Variants in ALMS1 observed in about 807,000 individuals in gnomAD.
ALMS1 encodes the protein centrosome-associated protein ALMS1.
In ALMS1, 271 loss-of-function variants were observed where a neutral mutation model predicts 352.2. That is an observed-to-expected ratio of 0.77 (90% confidence interval 0.70 to 0.85). ALMS1 has a LOEUF of 0.85. Ranked by LOEUF, ALMS1 falls within the 40% of genes least tolerant of loss-of-function variation. The pLI is 0.00. For missense variants in ALMS1, 5,445 were observed against 4,870.7 expected (o/e 1.12, Z -3.51); for synonymous variants, 1,865 against 1,761.2 (o/e 1.06, Z -1.48).
In ALMS1 at chr2:73,609,514, GC is replaced by G. The variant is rs200683455; in HGVS notation, c.12463-52del. ...ATGGATGCAGGGAGGAGAGGCATCT[GC>G]CTCTGATGGCAGTAATATCTAACTT... On this transcript the variant is annotated intron_variant, in intron 22 of 22. Transcript: ENST00000613296. The G allele has an allele frequency of 2.1e-3, 3,256 of 1,558,216 alleles. 57 individuals are homozygous for G. In the African/African-American group the frequency reaches 0.034, roughly 16 times the overall value.
chr2:73,521,580 C>CAAAAAAAAA (rs565126393), intron 11 of ALMS1, among the ~76,000 whole-genome samples: 213 of 93,768 alleles, frequency 2.3e-3, no homozygotes, highest in East Asian at 4.0e-3. Flanking sequence ...ACTAAAAATA[C>CAAAAAAAAA]AAAAAAAAAA....
At chr2:73,447,844 T>C (rs1372676745) in intron 7 of ALMS1, 116 bp from the exon 8 acceptor site, 7 of 1,317,350 alleles carry the variant, frequency 5.3e-6, no homozygotes, top group Non-Finnish European at 7.0e-6. Context: ...TGATGGCTGT[T>C]TCCTTAGGAT....
At chr2:73,580,240 A>G (rs1041225743) in intron 16 of ALMS1, among the ~76,000 whole-genome samples, 2 of 152,120 alleles carry the variant, frequency 1.3e-5, no homozygotes, top group Admixed American at 6.6e-5. Flanking sequence ...CACCACACTC[A>G]TCTCATTCTG....
chr2:73,479,637 G>A (rs1162258935), intron 9 of ALMS1, among the ~76,000 whole-genome samples: 1 of 152,058 alleles, frequency 6.6e-6, no homozygotes, highest in African/African-American at 2.4e-5. Context: ...GGACATCTTG[G>A]TTGTTTCCCA....
chr2:73,448,382 T>C lies in ALMS1; in HGVS notation c.1855T>C (p.Ser619Pro), dbSNP rs921968387. Reference protein sequence around the residue: ...DQTTGMSTLTSTSYSHREKPG... With the variant: ...DQTTGMSTLTPTSYSHREKPG... ...GACAACTGGCATGTCAACTCTAACCTCTACTTCCTACTCACATAGAGAGAA... is the reference window on the plus strand; with the variant it reads ...GACAACTGGCATGTCAACTCTAACCCCTACTTCCTACTCACATAGAGAGAA... The change falls in exon 8 of 23, where the codon TCT becomes CCT. Residue 619 changes from serine to proline, a missense_variant. By Grantham distance (74) the Ser-to-Pro change is moderately conservative (BLOSUM62 -1). Transcript: ENST00000613296. The C allele has an allele frequency of 4.3e-6, 7 of 1,613,908 alleles. No individual in the cohort carries two copies. The highest frequency in any genetic ancestry group is 5.9e-6 in the Non-Finnish European group (7 of 1,179,950).
intron 9 of ALMS1, among the ~76,000 whole-genome samples, chr2:73,484,161 C>T (rs1300511779): frequency 6.6e-6 from 1 of 151,706 alleles, no homozygotes; most frequent in Non-Finnish European, 1.5e-5. Flanking sequence ...GCAGTTTCTT[C>T]CTAGTCTTGA....
intron 2 of ALMS1, among the ~76,000 whole-genome samples, chr2:73,417,055 T>A (rs1671194052): frequency 6.6e-6 from 1 of 152,142 alleles, no homozygotes; most frequent in African/African-American, 2.4e-5. Flanking sequence ...ATTGTGCCAC[T>A]GTATTCTGGC....
Position 73,394,114 on chromosome 2 carries a change from C to T in ALMS1, c.324+7922C>T, listed in dbSNP as rs563826892. Among the ~76,000 whole-genome samples, 12 of 152,184 alleles carry T rather than the reference C, an allele frequency of 7.9e-5. No homozygotes were observed. In the South Asian group the frequency reaches 2.5e-3, roughly 32 times the overall value. On this transcript the variant is annotated intron_variant, in intron 1 of 22. Transcript: ENST00000613296. ...GGGATTACAGGCGTGAGCCACCATG[C>T]CTGACTAGGAGACACTCTTTTGATT...
At chr2:73,420,338 T>C (rs1156945672) in intron 3 of ALMS1, among the ~76,000 whole-genome samples, 3 of 151,982 alleles carry the variant, frequency 2.0e-5, no homozygotes, top group Admixed American at 1.3e-4. Flanking sequence ...CTGCAAACTA[T>C]AGCTTACAGG....
intron 7 of ALMS1, among the ~76,000 whole-genome samples, chr2:73,436,111 C>T (rs1222201603): frequency 6.6e-6 from 1 of 152,100 alleles, no homozygotes; most frequent in African/African-American, 2.4e-5. Flanking sequence ...ATGTATCTGG[C>T]GTGTTTTTAT....
rs201404313 is a variant in ALMS1, at chr2:73,562,490, CAG to C, written c.10384+3349_10384+3350del. Among the ~76,000 whole-genome samples the C allele has an allele frequency of 2.8e-3, 422 of 152,128 alleles. 3 individuals carry two copies. The highest frequency in any genetic ancestry group is 8.6e-3 in the African/African-American group (355 of 41,492). On this transcript the variant is annotated intron_variant, in intron 15 of 22. Coordinates refer to ENST00000613296, the MANE Select transcript of ALMS1 (RefSeq NM_001378454.1). ...AAAACAAGTAGAAAATGCTAAAAGACAGGGGGACAGGCAGAGGACAGGGAGGT... is the reference window on the plus strand; with the variant it reads ...AAAACAAGTAGAAAATGCTAAAAGACGGGGACAGGCAGAGGACAGGGAGGT...
At chr2:73,386,267 C>T (rs1031172088) in intron 1 of ALMS1, 75 bp downstream of exon 1, 4 of 1,417,834 alleles carry the variant, frequency 2.8e-6, no homozygotes, top group Admixed American at 5.6e-5. Flanking sequence ...GCTCCGCCCG[C>T]CCGCAGGTCA....
chr2:73,530,271 G>A (rs1262383516), intron 11 of ALMS1, among the ~76,000 whole-genome samples: 1 of 152,188 alleles, frequency 6.6e-6, no homozygotes, highest in African/African-American at 2.4e-5. Flanking sequence ...TACAGTGGGG[G>A]TACAGGCATT....
At chr2:73,433,322 A>G (rs905082851) in intron 7 of ALMS1, among the ~76,000 whole-genome samples, 1 of 152,220 alleles carries the variant, frequency 6.6e-6, no homozygotes, top group Non-Finnish European at 1.5e-5. Flanking sequence ...GAAGGATAGC[A>G]GTCAAAGAGA....
chr2:73,599,613 T>G (rs1338335040), intron 17 of ALMS1, 92 bp downstream of exon 17: 7 of 1,454,098 alleles, frequency 4.8e-6, no homozygotes, highest in Admixed American at 1.7e-5. Flanking sequence ...ATAAAGGACA[T>G]GAAGATAAAA....
At position 73,490,703 on chromosome 2, in the gene ALMS1, C is replaced by T. The variant is rs761704025; in HGVS notation, c.8744C>T (p.Ala2915Val). The T allele has an allele frequency of 1.9e-6, 3 of 1,614,170 alleles. No individual in the cohort carries two copies. Among genetic ancestry groups the T allele is most frequent in the Admixed American group, 3.3e-5 (2 of 60,028 alleles). The change falls in exon 10 of 23, where the codon GCT becomes GTT. Residue 2915 changes from alanine (A) to valine (V), a missense_variant. Coordinates refer to ENST00000613296, the MANE Select transcript of ALMS1 (RefSeq NM_001378454.1). Reference protein sequence around the residue: ...SPSPQHQDYVAPDLPSCIFLE... With the variant: ...SPSPQHQDYVVPDLPSCIFLE... Reference sequence around the variant, plus strand: ...TCTCCTCAACATCAGGATTATGTAGCTCCAGACCTTCCTTCTTGCATTTTT... The same window carrying T: ...TCTCCTCAACATCAGGATTATGTAGTTCCAGACCTTCCTTCTTGCATTTTT...
rs773130069 is a variant in ALMS1 at position 73,573,209 on chromosome 2, A to T, written c.11332A>T (p.Arg3778Trp). ...AGATAGAGAGGTGGCTCTGCACGAA[A>T]GGAGTAGCTCTGTTTCCACTATTGA... is the stretch of plus-strand genomic sequence containing the variant. ...QTDREVALHE[R>W]SSSVSTIDTA... The change falls in exon 16 of 23, where the codon AGG becomes TGG. Residue 3778 changes from arginine (R) to tryptophan (W), a missense_variant. Transcript: ENST00000613296. The T allele has an allele frequency of 5.0e-6, 8 of 1,612,562 alleles. No individual in the cohort carries two copies. The highest frequency in any genetic ancestry group is 5.9e-6 in the Non-Finnish European group (7 of 1,178,972).
intron 10 of ALMS1, among the ~76,000 whole-genome samples, chr2:73,501,970 G>A (rs1157732978): frequency 1.3e-5 from 2 of 151,960 alleles, no homozygotes; most frequent in Admixed American, 6.6e-5. Context: ...TTTTCGTTGT[G>A]TAGATTTTAC....
chr2:73,532,683 G>A (rs1290563255), intron 11 of ALMS1, among the ~76,000 whole-genome samples: 2 of 151,952 alleles, frequency 1.3e-5, no homozygotes. Context: ...GCCAACACCT[G>A]GAATCAGGAA....
Sources: allele counts gnomAD v4.1 joint callset (sites outside exome capture counted in the v4.1 genomes callset), GRCh38; gene constraint gnomAD v4.1.1; transcripts MANE v1.5; gene names NCBI Gene and HGNC (gene_info 2026-07-23, HGNC 2026-07-21).